Variants in CYB5R4 observed in about 807,000 individuals in gnomAD.
CYB5R4 encodes the protein N-terminal cytochrome b5 and cytochrome b5 oxidoreductase domain-containing protein.
CYB5R4 carries 55 observed loss-of-function variants against 70.2 expected under a neutral mutation model. The observed-to-expected ratio is 0.78, with a 90% CI of 0.63 to 0.98. CYB5R4 has a LOEUF of 0.98. Ranked by LOEUF, CYB5R4 falls within the 50% of genes least tolerant of loss-of-function variation. The pLI, the probability that CYB5R4 is intolerant of heterozygous loss-of-function variation, is 0.00. For missense variants in CYB5R4, 562 were observed against 612.6 expected, an observed-to-expected ratio of 0.92 and a Z score of 0.87; for synonymous variants, 197 against 199.5, an observed-to-expected ratio of 0.99 and a Z score of 0.11.
chr6:83,926,436 CAG>C (rs1461170689), intron 10 of CYB5R4: 1 of 151,800 alleles, frequency 6.6e-6, no homozygotes, highest in East Asian at 1.9e-4. Context: ...GTGTCTTTGG[CAG>C]AGTCGGTCTC....
intron 5 of CYB5R4, 123 bp downstream of exon 5, chr6:83,914,571 T>C (rs189783616): frequency 7.1e-6 from 6 of 848,466 alleles, no homozygotes; most frequent in African/African-American, 1.8e-5. Context: ...GGAGTATTGC[T>C]TTGTCACCCA....
intron 4 of CYB5R4, among the ~76,000 whole-genome samples, chr6:83,912,887 T>G (rs2099464907): frequency 6.6e-6 from 1 of 152,122 alleles, no homozygotes; most frequent in South Asian, 2.1e-4. Flanking sequence ...AAAAAAGACT[T>G]GGTGGTGGGG....
intron 12 of CYB5R4, 61 bp from the exon 13 acceptor site, chr6:83,939,995 G>GGTTTTTTGTTTT (rs1319245025): frequency 3.1e-6 from 4 of 1,292,536 alleles, no homozygotes; most frequent in African/African-American, 3.0e-5. Flanking sequence ...TTCCCCGCTG[G>GGTTTTTTGTTTT]GTTTTTTGTT....
chr6:83,955,505 G>A, intron 15 of CYB5R4, 43 bp downstream of exon 15: 8 of 1,522,956 alleles, frequency 5.3e-6, no homozygotes, highest in Non-Finnish European at 7.1e-6. Flanking sequence ...CAACACTGAA[G>A]TGAAGATCTT....
At chr6:83,871,503 A>G (rs972028205) in intron 2 of CYB5R4, among the ~76,000 whole-genome samples, 6 of 151,052 alleles carry the variant, frequency 4.0e-5, no homozygotes, top group African/African-American at 1.5e-4. Flanking sequence ...CTTCTCTCCC[A>G]TTCATTAAAA....
intron 3 of CYB5R4, among the ~76,000 whole-genome samples, chr6:83,907,158 C>A (rs2099463908): frequency 6.6e-6 from 1 of 152,094 alleles, no homozygotes; most frequent in Non-Finnish European, 1.5e-5. Flanking sequence ...TTACTGCAAC[C>A]TCGAACTCCT....
chr6:83,872,479 G>A (rs1022968489), intron 2 of CYB5R4, among the ~76,000 whole-genome samples: 1 of 152,180 alleles, frequency 6.6e-6, no homozygotes, highest in African/African-American at 2.4e-5. Context: ...GTAAATGATA[G>A]AAAACTATTT....
rs1361724207 is a variant in CYB5R4, at chr6:83,962,000, A to G, written c.*2122A>G. 2 of 152,096 alleles carry G rather than the reference A, an allele frequency of 1.3e-5. No homozygotes were observed. The highest frequency in any genetic ancestry group is 2.9e-5 in the Non-Finnish European group (2 of 68,024). The allele number at this position is 152,096 out of a possible 1,614,324, so 9.4% of individuals were successfully genotyped here. On this transcript the variant is annotated 3_prime_UTR_variant, in exon 16 of 16. Coordinates refer to ENST00000369681, the MANE Select transcript of CYB5R4 (RefSeq NM_016230.4). Reference sequence around the variant, plus strand: ...TGTCTCCTGGGTAATCTCCACTGACATGATTTTATCAACTTACATGTTAAT... The same window carrying G: ...TGTCTCCTGGGTAATCTCCACTGACGTGATTTTATCAACTTACATGTTAAT...
chr6:83,953,520 G>A (rs1350062900), intron 14 of CYB5R4, among the ~76,000 whole-genome samples: 1 of 152,044 alleles, frequency 6.6e-6, no homozygotes, highest in East Asian at 1.9e-4. Context: ...GGGGCCCCAA[G>A]TACTCTGAAA....
At chr6:83,915,209 C>T (rs1211893885) in intron 5 of CYB5R4, among the ~76,000 whole-genome samples, 2 of 152,166 alleles carry the variant, frequency 1.3e-5, no homozygotes, top group African/African-American at 4.8e-5. Flanking sequence ...ATGGTGGTCA[C>T]TACTGACATA....
chr6:83,939,353 T>C (rs1043190119), intron 12 of CYB5R4, among the ~76,000 whole-genome samples: 1 of 152,220 alleles, frequency 6.6e-6, no homozygotes, highest in African/African-American at 2.4e-5. Flanking sequence ...ATGGTGATTA[T>C]ATCAACTGGG....
At position 83,960,867 on chromosome 6, in the gene CYB5R4, C is replaced by T. The variant is rs939728577; in HGVS notation, c.*989C>T. On this transcript the variant is annotated 3_prime_UTR_variant, in exon 16 of 16. Transcript: ENST00000369681. ...TGCTGCTTTGTGCAACTGTCAAATACTTTCACAGATTCAGATCAGCAAAGG... is the reference window on the plus strand; with the variant it reads ...TGCTGCTTTGTGCAACTGTCAAATATTTTCACAGATTCAGATCAGCAAAGG... The T allele has an allele frequency of 6.6e-6, 1 of 152,216 alleles. No individual in the cohort carries two copies. Among genetic ancestry groups the T allele is most frequent in the Non-Finnish European group, 1.5e-5 (1 of 68,054 alleles). The allele number at this position is 152,216 out of a possible 1,614,324, so 9.4% of individuals were successfully genotyped here.
intron 4 of CYB5R4, among the ~76,000 whole-genome samples, chr6:83,913,462 C>G (rs2129138510): frequency 6.6e-6 from 1 of 152,160 alleles, no homozygotes; most frequent in Non-Finnish European, 1.5e-5. Context: ...TTTAGGAGAT[C>G]AGGTGATAAT....
At chr6:83,924,904 A>G (rs892355077) in intron 10 of CYB5R4, among the ~76,000 whole-genome samples, 2 of 152,198 alleles carry the variant, frequency 1.3e-5, no homozygotes, top group Admixed American at 6.5e-5. Context: ...TGAAAGATAC[A>G]AAAACAAGTT....
At position 83,936,383 on chromosome 6, in the gene CYB5R4, A is replaced by G. The variant is rs1314751359; in HGVS notation, c.1108+7A>G. The stretch of plus-strand genomic sequence containing the variant: ...CTTGATCGTCTTCAGATTGGTTAGT[A>G]TTTTTACATTTTTTAAACCTCATTT... On this transcript the variant is annotated splice_region_variant and intron_variant, in intron 12 of 15. Coordinates refer to ENST00000369681, the MANE Select transcript of CYB5R4 (RefSeq NM_016230.4). 3 of 1,610,578 alleles carry G rather than the reference A, an allele frequency of 1.9e-6. No homozygotes were observed. The highest frequency in any genetic ancestry group is 1.1e-5 in the South Asian group (1 of 90,744).
chr6:83,910,222 A>G (rs2099464459), intron 4 of CYB5R4: 7 of 1,300,214 alleles, frequency 5.4e-6, no homozygotes, highest in South Asian at 1.4e-5. Context: ...TGGAAGTTCA[A>G]CTTTTGTAAA....
chr6:83,909,216 C>T (rs1442840432), intron 4 of CYB5R4, 126 bp downstream of exon 4: 219 of 612,516 alleles, frequency 3.6e-4, no homozygotes, highest in Non-Finnish European at 5.5e-6. Context: ...GCCTCCTGGT[C>T]TAGCCACTCC....
intron 2 of CYB5R4, among the ~76,000 whole-genome samples, chr6:83,882,900 G>T (rs1368851376): frequency 1.3e-5 from 2 of 152,150 alleles, no homozygotes; most frequent in Non-Finnish European, 2.9e-5. Context: ...CCTGAGCCCT[G>T]GAAGCAGAGG....
intron 1 of CYB5R4, among the ~76,000 whole-genome samples, chr6:83,860,100 T>A (rs1195312861): frequency 6.6e-6 from 1 of 152,118 alleles, no homozygotes; most frequent in Non-Finnish European, 1.5e-5. Context: ...ATCCGTTCCC[T>A]TCCTCCAAGT....
Sources: gnomAD v4.1 joint callset for allele counts (sites outside exome capture counted in the v4.1 genomes callset) on GRCh38, gnomAD v4.1.1 for gene constraint, MANE v1.5 for transcripts, NCBI Gene and HGNC (gene_info 2026-07-23, HGNC 2026-07-21) for gene names.